The following FSTL5 variants were observed in gnomAD, a reference collection of about 807,000 sequenced individuals.
The protein encoded by FSTL5 is follistatin like 5.
Under a neutral mutation model 89.1 loss-of-function variants are expected in FSTL5, and 62 were observed. The ratio of observed to expected loss-of-function variants is 0.70; its 90% CI spans 0.57 to 0.86. The LOEUF is 0.86. Ranked by LOEUF, FSTL5 falls within the 40% of genes least tolerant of loss-of-function variation. The pLI, the probability that FSTL5 is intolerant of heterozygous loss-of-function variation, is 0.00. For missense variants in FSTL5, 1,057 were observed against 1,001.6 expected (o/e 1.06, Z -0.75); for synonymous variants, 383 against 346.2 (o/e 1.11, Z -1.18).
intron 4 of FSTL5, among the ~76,000 whole-genome samples, chr4:161,860,432 A>C (rs1285902431): frequency 6.6e-6 from 1 of 152,252 alleles, no homozygotes; most frequent in East Asian, 1.9e-4. Flanking sequence ...CAACAAAAGC[A>C]TGGAAAGCTT....
intron 3 of FSTL5, among the ~76,000 whole-genome samples, chr4:161,997,408 T>C (rs1404312691): frequency 2.6e-5 from 4 of 152,146 alleles, no homozygotes; most frequent in Non-Finnish European, 4.4e-5. Flanking sequence ...TTAAAGAACC[T>C]AGGTAATTTA....
chr4:161,489,629 T>C (rs1729797271), intron 12 of FSTL5, among the ~76,000 whole-genome samples: 1 of 152,132 alleles, frequency 6.6e-6, no homozygotes, highest in African/African-American at 2.4e-5. Context: ...CTTTAACTTG[T>C]GGCACACAGC....
Position 161,385,072 on chromosome 4 carries a change from T to G in FSTL5, c.*675A>C, listed in dbSNP as rs1730566017. 6.6e-6 allele frequency: 1 copy of G among 152,308 alleles called. No homozygotes were observed. Among genetic ancestry groups the G allele is most frequent in the Non-Finnish European group, 1.5e-5 (1 of 68,024 alleles). The allele number at this position is 152,308 out of a possible 1,614,324, so 9.4% of individuals were successfully genotyped here. ...ACTTTCTATAGCATGCTGCAGATTA[T>G]ACAGTAAATGTCAAGTGGAGTTTGA... On this transcript the variant is annotated 3_prime_UTR_variant, in exon 16 of 16. Transcript: ENST00000306100.
chr4:161,805,515 T>C (rs1553967433), intron 4 of FSTL5, among the ~76,000 whole-genome samples: 1 of 152,058 alleles, frequency 6.6e-6, no homozygotes, highest in South Asian at 2.1e-4. Context: ...TGCATTGATA[T>C]AGAGAAACAA....
rs201353835 is a variant in FSTL5, at chr4:161,775,971, G to A, written c.513C>T (p.Asp171=). 168 of 1,602,958 alleles carry A rather than the reference G, an allele frequency of 1.0e-4. 1 individual carries two copies. The highest frequency in any genetic ancestry group is 1.8e-4 in the East Asian group (8 of 44,374). The change falls in exon 5 of 16, where the codon GAC becomes GAT. Residue 171 remains aspartate (D), a synonymous_variant. Transcript: ENST00000306100. ...CCAATAGCTTCTTCCGAGATATGTCGTCGCCATTAGGATTTTCATTTTCTT... is the reference window on the plus strand; with the variant it reads ...CCAATAGCTTCTTCCGAGATATGTCATCGCCATTAGGATTTTCATTTTCTT... The part of the protein sequence containing the change: ...IMQENENPNG[D]DISRKKLLVD...
At chr4:161,469,349 A>G (rs1455446879) in intron 13 of FSTL5, among the ~76,000 whole-genome samples, 1 of 152,200 alleles carries the variant, frequency 6.6e-6, no homozygotes. Flanking sequence ...CTTCCACATG[A>G]TAATTCTACT....
chr4:161,703,162 C>A (rs1045067016), intron 6 of FSTL5, among the ~76,000 whole-genome samples: 1 of 152,084 alleles, frequency 6.6e-6, no homozygotes, highest in Admixed American at 6.6e-5. Context: ...TCTTGGACTT[C>A]TAGCCTCCAG....
rs1397662350 is a variant in FSTL5 at position 161,811,485 on chromosome 4, C to T, written c.410-35411G>A. The stretch of plus-strand genomic sequence containing the variant: ...CAAAATTGAATCTAAATTTCCCTCA[C>T]TAACCTTTCACTGAAAAAAGCTAGA... On this transcript the variant is annotated intron_variant, in intron 4 of 15. Coordinates refer to ENST00000306100, the MANE Select transcript of FSTL5 (RefSeq NM_020116.5). Among the ~76,000 whole-genome samples, 4 of 152,076 alleles carry T rather than the reference C, an allele frequency of 2.6e-5. No individual in the cohort carries two copies. The East Asian group carries it at 7.7e-4, about 29-fold the overall frequency.
At chr4:161,778,644 T>G (rs552214807) in intron 4 of FSTL5, among the ~76,000 whole-genome samples, 11 of 152,342 alleles carry the variant, frequency 7.2e-5, no homozygotes, top group Admixed American at 6.5e-4. Flanking sequence ...CAACAAAATG[T>G]AAACTTTGTG....
chr4:162,089,646 AAAAAG>A (rs1309576803), intron 2 of FSTL5, among the ~76,000 whole-genome samples: 7 of 136,478 alleles, frequency 5.1e-5, no homozygotes, highest in South Asian at 2.4e-4. Context: ...AAAAAAAAAA[AAAAAG>A]AAAAAAAAGA....
At chr4:161,645,352 T>G (rs1208834457) in intron 7 of FSTL5, among the ~76,000 whole-genome samples, 1 of 151,396 alleles carries the variant, frequency 6.6e-6, no homozygotes, top group Non-Finnish European at 1.5e-5. Context: ...AATTACCAGT[T>G]ACACAAACTC....
chr4:161,415,691 AAG>A (rs904772507), intron 15 of FSTL5, among the ~76,000 whole-genome samples: 13 of 147,660 alleles, frequency 8.8e-5, no homozygotes, highest in Admixed American at 1.4e-4. Context: ...AAGAGAGAGA[AAG>A]AGAGAGAGAG....
Position 161,495,588 on chromosome 4 carries a change from A to G in FSTL5, c.1458+4428T>C, listed in dbSNP as rs561161377. On this transcript the variant is annotated intron_variant, in intron 12 of 15. Coordinates refer to ENST00000306100, the MANE Select transcript of FSTL5 (RefSeq NM_020116.5). ...TTGTATATATCCTCACCAACTCACTATCAAAAGCTGAAACCTAATGTAATC... is the reference window on the plus strand; with the variant it reads ...TTGTATATATCCTCACCAACTCACTGTCAAAAGCTGAAACCTAATGTAATC... 5 of 152,290 alleles carry G rather than the reference A, an allele frequency of 3.3e-5. No individual in the cohort carries two copies. In the East Asian group the frequency reaches 9.6e-4, roughly 29 times the overall value. The allele number at this position is 152,290 out of a possible 1,614,324, so 9.4% of individuals were successfully genotyped here.
At chr4:161,886,940 C>T (rs1456633344) in intron 4 of FSTL5, among the ~76,000 whole-genome samples, 1 of 152,116 alleles carries the variant, frequency 6.6e-6, no homozygotes, top group African/African-American at 2.4e-5. Flanking sequence ...TGATTATAAA[C>T]TTTACTGTTT....
chr4:162,159,972 A>G (rs1733631322), intron 1 of FSTL5, among the ~76,000 whole-genome samples: 1 of 150,960 alleles, frequency 6.6e-6, no homozygotes, highest in African/African-American at 2.4e-5. Flanking sequence ...TGCCATTAAA[A>G]GTTATATATT....
chr4:162,103,638 A>G (rs1731089874), intron 2 of FSTL5, among the ~76,000 whole-genome samples: 1 of 152,240 alleles, frequency 6.6e-6, no homozygotes, highest in Non-Finnish European at 1.5e-5. Flanking sequence ...GTGTATTCAT[A>G]GCCTTGTAAG....
intron 6 of FSTL5, among the ~76,000 whole-genome samples, chr4:161,695,449 G>GTGTA (rs756795944): frequency 1.1e-4 from 15 of 137,788 alleles, no homozygotes; most frequent in African/African-American, 3.8e-4. Context: ...GTGTGTGTGT[G>GTGTA]TGTGTATATA....
intron 2 of FSTL5, among the ~76,000 whole-genome samples, chr4:162,050,062 T>A (rs570214571): frequency 6.6e-6 from 1 of 151,978 alleles, no homozygotes; most frequent in South Asian, 2.1e-4. Context: ...AAGTAGCAGA[T>A]CCATTAACAG....
intron 6 of FSTL5, among the ~76,000 whole-genome samples, chr4:161,695,493 A>C (rs1239250603): frequency 6.8e-6 from 1 of 146,634 alleles, no homozygotes. Flanking sequence ...ATATATATAT[A>C]TCACAGTTTC....
Sources: allele counts gnomAD v4.1 joint callset (sites outside exome capture counted in the v4.1 genomes callset), GRCh38; gene constraint gnomAD v4.1.1; transcripts MANE v1.5; gene names NCBI Gene and HGNC (gene_info 2026-07-23, HGNC 2026-07-21).